The following LDLRAD4 variants were observed in gnomAD, a reference collection of about 807,000 sequenced individuals.
The protein encoded by LDLRAD4 is low density lipoprotein receptor class A domain containing 4.
A neutral mutation model predicts 17.0 loss-of-function variants in LDLRAD4; 5 were observed. That is an observed-to-expected ratio of 0.29 (90% CI 0.15 to 0.62). The LOEUF is 0.62. LDLRAD4 is among the 20% of genes least tolerant of loss of function. The probability of loss-of-function intolerance (pLI) is 0.84; values close to 1 mark genes in which losing one functional copy is unlikely to be tolerated. For missense variants in LDLRAD4, 340 were observed against 424.7 expected, an observed-to-expected ratio of 0.80 and a Z score of 1.75; for synonymous variants, 168 against 171.8, an observed-to-expected ratio of 0.98 and a Z score of 0.17.
intron 3 of LDLRAD4, among the ~76,000 whole-genome samples, chr18:13,503,444 A>T (rs563088719): frequency 6.7e-6 from 1 of 150,372 alleles, no homozygotes; most frequent in East Asian, 2.0e-4. Context: ...AAATTACCCT[A>T]AAGACTCTAA....
chr18:13,460,367 GT>G (rs147369477), intron 3 of LDLRAD4, among the ~76,000 whole-genome samples: 3 of 151,956 alleles, frequency 2.0e-5, no homozygotes, highest in African/African-American at 7.3e-5. Context: ...TAATTTTTGT[GT>G]TTTTTGTAGA....
intron 1 of LDLRAD4, among the ~76,000 whole-genome samples, chr18:13,345,144 A>T (rs553251356): frequency 6.6e-6 from 1 of 152,296 alleles, no homozygotes; most frequent in East Asian, 1.9e-4. Flanking sequence ...GAGAGAGGGT[A>T]TCCCTCTCTT....
intron 1 of LDLRAD4, among the ~76,000 whole-genome samples, chr18:13,243,458 T>A (rs1336201726): frequency 7.1e-6 from 1 of 141,002 alleles, no homozygotes; most frequent in Admixed American, 7.0e-5. Context: ...AGCCACCCAC[T>A]CGTTCATCTG....
intron 3 of LDLRAD4, among the ~76,000 whole-genome samples, chr18:13,458,307 C>G (rs2092253316): frequency 6.6e-6 from 1 of 152,146 alleles, no homozygotes; most frequent in African/African-American, 2.4e-5. Flanking sequence ...GCTTTAGAAG[C>G]ACTATGTGTT....
chr18:13,417,907 G>A (rs935676495), intron 2 of LDLRAD4, among the ~76,000 whole-genome samples: 2 of 152,048 alleles, frequency 1.3e-5, no homozygotes, highest in African/African-American at 4.8e-5. Context: ...TATACATTTT[G>A]CCATATGAAA....
chr18:13,506,928 A>T (rs946530494), intron 3 of LDLRAD4, among the ~76,000 whole-genome samples: 1 of 152,034 alleles, frequency 6.6e-6, no homozygotes, highest in Admixed American at 6.6e-5. Context: ...GCTGACAGTG[A>T]CTCTATACAG....
At chr18:13,506,031 G>A (rs559874119) in intron 3 of LDLRAD4, among the ~76,000 whole-genome samples, 27 of 151,804 alleles carry the variant, frequency 1.8e-4, no homozygotes, top group South Asian at 1.3e-3. Flanking sequence ...TTGTTCTCCT[G>A]TGTGCTCTCA....
At chr18:13,587,529 A>G (rs2094951988) in intron 3 of LDLRAD4, among the ~76,000 whole-genome samples, 1 of 152,150 alleles carries the variant, frequency 6.6e-6, no homozygotes, top group Admixed American at 6.5e-5. Flanking sequence ...ACTTCGTTTC[A>G]TAGGGTGGAA....
chr18:13,645,777 C>T lies in LDLRAD4; in HGVS notation c.*120C>T, dbSNP rs1048591442. Reference sequence around the variant, plus strand: ...GTACAAATAAGTAAAACCAAATGAGCAAACACGGTCTTTGTTTCTGATTCC... The same window carrying T: ...GTACAAATAAGTAAAACCAAATGAGTAAACACGGTCTTTGTTTCTGATTCC... On this transcript the variant is annotated 3_prime_UTR_variant, in exon 6 of 6. Transcript: ENST00000359446. The surrounding 1 kb of genome is among the most constrained non-coding windows in gnomAD (Gnocchi z 5.7). 2.9e-5 allele frequency: 19 copies of T among 647,548 alleles called. No individual in the cohort carries two copies. Among genetic ancestry groups the T allele is most frequent in the Non-Finnish European group, 4.1e-5 (17 of 416,856 alleles). 40.1% of individuals were successfully genotyped at this position (647,548 alleles called of 1,614,324 possible). A position where few individuals can be genotyped will look rare whatever the true frequency, so the allele number is the denominator to read the frequency against.
intron 1 of LDLRAD4, among the ~76,000 whole-genome samples, chr18:13,267,643 G>A (rs1411167737): frequency 1.3e-5 from 2 of 152,268 alleles, no homozygotes; most frequent in East Asian, 3.8e-4. Context: ...GACGTCGTGT[G>A]TAACCCAGCT....
chr18:13,560,691 AG>A (rs1315157881), intron 3 of LDLRAD4, among the ~76,000 whole-genome samples: 1 of 152,238 alleles, frequency 6.6e-6, no homozygotes, highest in Non-Finnish European at 1.5e-5. Context: ...TCTCTGTGAA[AG>A]GATCTGCTGA....
intron 3 of LDLRAD4, among the ~76,000 whole-genome samples, chr18:13,591,650 A>G (rs762845268): frequency 6.6e-6 from 1 of 152,226 alleles, no homozygotes; most frequent in Non-Finnish European, 1.5e-5. Context: ...AATGAAACCT[A>G]GGTATTGGTA....
intron 3 of LDLRAD4, among the ~76,000 whole-genome samples, chr18:13,582,378 AATCAAAGAACTGC>A (rs1389210682): frequency 6.6e-6 from 1 of 152,216 alleles, no homozygotes; most frequent in Non-Finnish European, 1.5e-5. Flanking sequence ...CTGCGCCATC[AATCAAAGAACTGC>A]ATCTAAACCG....
chr18:13,268,549 C>T (rs1318049552), intron 1 of LDLRAD4, among the ~76,000 whole-genome samples: 1 of 152,208 alleles, frequency 6.6e-6, no homozygotes, highest in Non-Finnish European at 1.5e-5. Context: ...AAGTCACTGC[C>T]AGCGTTTCCC....
At chr18:13,223,296 A>G (rs1260154238) in intron 1 of LDLRAD4, among the ~76,000 whole-genome samples, 2 of 152,180 alleles carry the variant, frequency 1.3e-5, no homozygotes, top group Non-Finnish European at 2.9e-5. Context: ...TCCTGAAAGT[A>G]GGCCTTGAGA....
chr18:13,253,125 G>T (rs1301008404), intron 1 of LDLRAD4, among the ~76,000 whole-genome samples: 1 of 152,210 alleles, frequency 6.6e-6, no homozygotes, highest in Non-Finnish European at 1.5e-5. Flanking sequence ...CTGGGCCCCA[G>T]TCTCCGAGGA....
At chr18:13,231,013 G>A (rs180670963) in intron 1 of LDLRAD4, among the ~76,000 whole-genome samples, 15 of 152,310 alleles carry the variant, frequency 9.8e-5, no homozygotes, top group Admixed American at 7.8e-4. Flanking sequence ...GACCCTTTTA[G>A]GGCCCACATG....
intron 3 of LDLRAD4, among the ~76,000 whole-genome samples, chr18:13,610,435 G>A (rs2039434841): frequency 6.6e-6 from 1 of 151,632 alleles, no homozygotes; most frequent in South Asian, 2.1e-4. Context: ...TCACAGGCGT[G>A]TGCCACCACA....
chr18:13,279,073 T>C (rs1014035209), intron 1 of LDLRAD4, among the ~76,000 whole-genome samples: 3 of 152,178 alleles, frequency 2.0e-5, no homozygotes, highest in Non-Finnish European at 4.4e-5. Flanking sequence ...CTGGGTTCTG[T>C]GTGGGGGCAG....
Sources: allele counts gnomAD v4.1 joint callset (sites outside exome capture counted in the v4.1 genomes callset), GRCh38; gene constraint gnomAD v4.1.1; non-coding constraint Gnocchi (gnomAD v3.1); transcripts MANE v1.5; gene names NCBI Gene and HGNC (gene_info 2026-07-23, HGNC 2026-07-21).